NSMCE2: variants seen among roughly 807,000 people sequenced by gnomAD.
NSMCE2 encodes E3 SUMO-protein ligase NSE2.
A neutral mutation model predicts 23.8 loss-of-function variants in NSMCE2; 24 were observed. The ratio of observed to expected loss-of-function variants is 1.01; its 90% CI spans 0.73 to 1.42. NSMCE2 has a LOEUF of 1.42. Ranked by LOEUF, NSMCE2 falls within the 40% of genes most tolerant of loss-of-function variation. NSMCE2 has a pLI of 0.00. For missense variants in NSMCE2, 284 were observed against 296.5 expected (o/e 0.96, Z 0.31); for synonymous variants, 92 against 94.1 (o/e 0.98, Z 0.13).
chr8:125,251,973 C>T (rs1826214436), intron 5 of NSMCE2, among the ~76,000 whole-genome samples: 1 of 152,162 alleles, frequency 6.6e-6, no homozygotes, highest in South Asian at 2.1e-4. Context: ...AAGAGATTTA[C>T]ACAATATCAC....
At chr8:125,236,919 A>G (rs1184180488) in intron 5 of NSMCE2, among the ~76,000 whole-genome samples, 5 of 151,886 alleles carry the variant, frequency 3.3e-5, no homozygotes, top group Admixed American at 1.3e-4. Context: ...TACATAGTAG[A>G]GGGTCTATAA....
intron 5 of NSMCE2, among the ~76,000 whole-genome samples, chr8:125,277,680 G>A (rs191577947): frequency 1.3e-5 from 2 of 152,098 alleles, no homozygotes; most frequent in African/African-American, 4.8e-5. Flanking sequence ...CTAATTTTTG[G>A]TATTTTGTAT....
chr8:125,237,632 C>G (rs1370082291), intron 5 of NSMCE2, among the ~76,000 whole-genome samples: 1 of 152,200 alleles, frequency 6.6e-6, no homozygotes, highest in East Asian at 1.9e-4. Flanking sequence ...TTCTGTTGTT[C>G]ACTGTGAATT....
chr8:125,325,945 TCC>T (rs1269415152), intron 5 of NSMCE2, among the ~76,000 whole-genome samples: 2 of 147,830 alleles, frequency 1.4e-5, no homozygotes, highest in South Asian at 2.1e-4. Flanking sequence ...AGAGTGAAAC[TCC>T]GTCTCAAAAT....
chr8:125,341,919 A>G (rs1030379360), intron 5 of NSMCE2, among the ~76,000 whole-genome samples: 40 of 150,664 alleles, frequency 2.7e-4, no homozygotes, highest in African/African-American at 7.5e-4. Context: ...AAAAAAAAAA[A>G]AAACCTGTCT....
At chr8:125,356,326 G>GTTTTTTTTTTTTTTTTTTTTTTTT in intron 5 of NSMCE2, among the ~76,000 whole-genome samples, 1 of 105,436 alleles carries the variant, frequency 9.5e-6, no homozygotes. Context: ...TAATTTTTTG[G>GTTTTTTTTTTTTTTTTTTTTTTTT]TTTTTTTTTT....
intron 5 of NSMCE2, among the ~76,000 whole-genome samples, chr8:125,200,671 G>C (rs907593771): frequency 6.6e-5 from 10 of 152,080 alleles, no homozygotes; most frequent in Non-Finnish European, 1.2e-4. Flanking sequence ...CTCTTCTCGA[G>C]GAGTATCTTT....
At chr8:125,199,065 T>C (rs1332463860) in intron 5 of NSMCE2, among the ~76,000 whole-genome samples, 1 of 152,216 alleles carries the variant, frequency 6.6e-6, no homozygotes, top group Non-Finnish European at 1.5e-5. Context: ...TGCGTCTGTA[T>C]GATTCCTCTC....
intron 5 of NSMCE2, among the ~76,000 whole-genome samples, chr8:125,341,683 T>C (rs1324279753): frequency 6.6e-6 from 1 of 151,886 alleles, no homozygotes; most frequent in Admixed American, 6.6e-5. Context: ...TTGACACCTA[T>C]CCCCCAATTT....
chr8:125,349,747 G>A (rs1450487967), intron 5 of NSMCE2, among the ~76,000 whole-genome samples: 1 of 152,262 alleles, frequency 6.6e-6, no homozygotes, highest in East Asian at 1.9e-4. Flanking sequence ...GCTGTGTGTG[G>A]CCAGTACCAA....
chr8:125,341,046 C>T (rs1830226810), intron 5 of NSMCE2, among the ~76,000 whole-genome samples: 1 of 152,150 alleles, frequency 6.6e-6, no homozygotes, highest in Non-Finnish European at 1.5e-5. Context: ...CAGAGAGAGG[C>T]TTTCCCAATC....
chr8:125,313,732 A>G (rs952022517), intron 5 of NSMCE2, among the ~76,000 whole-genome samples: 11 of 152,232 alleles, frequency 7.2e-5, no homozygotes, highest in African/African-American at 2.7e-4. Context: ...TTCCGTGGAC[A>G]AAGTGTGACA....
At chr8:125,357,407 A>G in intron 6 of NSMCE2, 88 bp downstream of exon 6, 1 of 949,910 alleles carries the variant, frequency 1.1e-6, no homozygotes, top group Non-Finnish European at 1.7e-6. Context: ...GTTTGATTTC[A>G]CTTAGGGAGT....
At chr8:125,116,465 C>T (rs1176371227) in intron 3 of NSMCE2, among the ~76,000 whole-genome samples, 2 of 152,144 alleles carry the variant, frequency 1.3e-5, no homozygotes, top group African/African-American at 4.8e-5. Context: ...TTTTTACTAA[C>T]TTATTTCTGT....
intron 5 of NSMCE2, among the ~76,000 whole-genome samples, chr8:125,284,927 A>G (rs1381939486): frequency 1.3e-5 from 2 of 152,206 alleles, no homozygotes. Context: ...ACACCTGTGT[A>G]ATTTATTTTT....
chr8:125,103,095 G>A (rs1321497526), intron 3 of NSMCE2, among the ~76,000 whole-genome samples: 4 of 151,944 alleles, frequency 2.6e-5, no homozygotes, highest in African/African-American at 9.7e-5. Flanking sequence ...GTGAAACCCC[G>A]TCTCTACTAA....
intron 5 of NSMCE2, among the ~76,000 whole-genome samples, chr8:125,289,199 A>G (rs28374689): frequency 0.031 from 4,770 of 152,246 alleles, 220 homozygotes; most frequent in African/African-American, 0.11. Flanking sequence ...CTTACTTCCT[A>G]GAGTAATCAG....
At chr8:125,183,038 C>T (rs570237821) in intron 5 of NSMCE2, among the ~76,000 whole-genome samples, 43 of 152,182 alleles carry the variant, frequency 2.8e-4, no homozygotes, top group Middle Eastern at 3.4e-3. Flanking sequence ...AGGATTGAGA[C>T]GCTTGTATTT....
chr8:125,230,082 A>T (rs1825258874), intron 5 of NSMCE2, among the ~76,000 whole-genome samples: 1 of 152,222 alleles, frequency 6.6e-6, no homozygotes, highest in Non-Finnish European at 1.5e-5. Context: ...AGCATATAAC[A>T]CAAATATCTT....
Sources: allele counts gnomAD v4.1 joint callset (sites outside exome capture counted in the v4.1 genomes callset), GRCh38; gene constraint gnomAD v4.1.1; transcripts MANE v1.5; gene names NCBI Gene and HGNC (gene_info 2026-07-23, HGNC 2026-07-21).